Variants in RNF145 observed in about 807,000 individuals in gnomAD.
RNF145 encodes ring finger protein 145.
In RNF145, 12 loss-of-function variants were observed where a neutral mutation model predicts 57.3. The ratio of observed to expected loss-of-function variants is 0.21; its 90% CI spans 0.13 to 0.34. The LOEUF (loss-of-function observed/expected upper bound fraction) is 0.34, where lower values mean the gene tolerates loss of function less well. Among genes scored for constraint, RNF145 ranks in the 10% least tolerant of loss-of-function variants. The pLI, the probability that RNF145 is intolerant of heterozygous loss-of-function variation, is 1.00. For missense variants in RNF145, 429 were observed against 799.0 expected, an observed-to-expected ratio of 0.54 and a Z score of 5.58; for synonymous variants, 262 against 288.3, an observed-to-expected ratio of 0.91 and a Z score of 0.92.
At chr5:159,173,702 T>G (rs1293209683) in intron 6 of RNF145, among the ~76,000 whole-genome samples, 1 of 152,216 alleles carries the variant, frequency 6.6e-6, no homozygotes, top group Non-Finnish European at 1.5e-5. Flanking sequence ...CCCAATAATT[T>G]TAACTTGAAA....
intron 2 of RNF145, among the ~76,000 whole-genome samples, chr5:159,196,393 A>C (rs1785462424): frequency 6.6e-6 from 1 of 152,146 alleles, no homozygotes; most frequent in Non-Finnish European, 1.5e-5. Flanking sequence ...TAACACCATC[A>C]CTTTTACTTG....
chr5:159,180,148 C>T (rs1784842848), intron 4 of RNF145, among the ~76,000 whole-genome samples: 1 of 152,066 alleles, frequency 6.6e-6, no homozygotes, highest in African/African-American at 2.4e-5. Context: ...TAACTGGACT[C>T]TTACAATGAT....
At chr5:159,165,498 C>T (rs1274030728) in intron 8 of RNF145, among the ~76,000 whole-genome samples, 1 of 14,790 alleles carries the variant, frequency 6.8e-5, no homozygotes, top group African/African-American at 1.2e-3. Flanking sequence ...CCGGCTAAAA[C>T]GGTGAAACCC....
intron 3 of RNF145, among the ~76,000 whole-genome samples, chr5:159,187,534 G>A (rs187640871): frequency 3.8e-4 from 57 of 151,936 alleles, no homozygotes; most frequent in Non-Finnish European, 6.6e-4. Flanking sequence ...TCACTATGTT[G>A]GCCAGGCTGG....
chr5:159,191,563 T>G (rs1303604271), intron 3 of RNF145, among the ~76,000 whole-genome samples: 1 of 151,968 alleles, frequency 6.6e-6, no homozygotes, highest in Non-Finnish European at 1.5e-5. Flanking sequence ...GAGGCCAAGG[T>G]GGGAAGATCA....
intron 3 of RNF145, among the ~76,000 whole-genome samples, chr5:159,186,356 C>T (rs1785054753): frequency 6.6e-6 from 1 of 152,220 alleles, no homozygotes; most frequent in South Asian, 2.1e-4. Context: ...TAGCTTACCA[C>T]TTCAGCTAAT....
At chr5:159,181,283 C>A (rs1025016269) in intron 4 of RNF145, among the ~76,000 whole-genome samples, 1 of 152,164 alleles carries the variant, frequency 6.6e-6, no homozygotes, top group Admixed American at 6.5e-5. Flanking sequence ...CCCAGTGAAT[C>A]CTCTAGTGTA....
chr5:159,188,392 T>C (rs1584694507), intron 3 of RNF145, among the ~76,000 whole-genome samples: 1 of 143,504 alleles, frequency 7.0e-6, no homozygotes. Flanking sequence ...AGACTCTGTC[T>C]CAAAAAAAAA....
chr5:159,178,585 C>T (rs1453050344), intron 4 of RNF145, among the ~76,000 whole-genome samples: 1 of 151,960 alleles, frequency 6.6e-6, no homozygotes, highest in African/African-American at 2.4e-5. Context: ...AAATTTGGGA[C>T]TTGTTTGTAT....
chr5:159,167,190 G>A (rs554810054), intron 8 of RNF145, among the ~76,000 whole-genome samples: 26 of 152,246 alleles, frequency 1.7e-4, no homozygotes, highest in Non-Finnish European at 3.1e-4. Flanking sequence ...CTGATGGTTA[G>A]TCTCTTATTA....
At chr5:159,175,007 A>G (rs1245721799) in intron 5 of RNF145, among the ~76,000 whole-genome samples, 2 of 152,214 alleles carry the variant, frequency 1.3e-5, no homozygotes, top group Non-Finnish European at 2.9e-5. Context: ...TCTAGCAGTC[A>G]GCTGGTCTTG....
In RNF145 at chr5:159,167,893, T is replaced by C. The variant is rs181725798; in HGVS notation, c.1121+980A>G. Among the ~76,000 whole-genome samples the C allele has an allele frequency of 6.6e-5, 10 of 152,324 alleles. No individual in the cohort carries two copies. In the East Asian group the frequency reaches 1.7e-3, roughly 26 times the overall value. ...TGATGTACTATAATTAAAATGTTAA[T>C]TTGGAATGTTTTAGAAATCAGCTGA... On this transcript the variant is annotated intron_variant, in intron 8 of 10. Transcript: ENST00000424310.
Position 159,203,560 on chromosome 5 carries a change from T to C in RNF145, c.58A>G (p.Ile20Val). 1.2e-6 allele frequency: 2 copies of C among 1,613,880 alleles called. No homozygotes were observed. Among genetic ancestry groups the C allele is most frequent in the Non-Finnish European group, 1.7e-6 (2 of 1,179,898 alleles). The change falls in exon 2 of 11, where the codon ATC becomes GTC. Residue 20 changes from isoleucine (I) to valine (V), a missense_variant. Ile to Val is a conservative substitution (Grantham distance 29). Around this residue, in one of 4 missense-constraint regions of RNF145, gnomAD observed 109 missense variants for 207.2 expected, o/e 0.53. Coordinates refer to ENST00000424310, the MANE Select transcript of RNF145 (RefSeq NM_001199383.2). ...CTGTACAGGACATCCAACAGCATGA[T>C]GCTTGGCACCCTCAGGGCCACATTT... ...VLNVALRVPS[I>V]MLLDVLYRWD...
intron 3 of RNF145, among the ~76,000 whole-genome samples, chr5:159,190,917 T>C (rs995306270): frequency 3.3e-5 from 5 of 152,014 alleles, no homozygotes; most frequent in African/African-American, 1.2e-4. Context: ...ATATTAATAC[T>C]AAAATATGCC....
chr5:159,162,649 T>C (rs1784266468), intron 9 of RNF145, among the ~76,000 whole-genome samples: 1 of 151,630 alleles, frequency 6.6e-6, no homozygotes, highest in Non-Finnish European at 1.5e-5. Flanking sequence ...TTAGCCAGGA[T>C]GGTCTCGATC....
At chr5:159,198,367 G>C (rs1785534348) in intron 2 of RNF145, among the ~76,000 whole-genome samples, 1 of 152,152 alleles carries the variant, frequency 6.6e-6, no homozygotes, top group Admixed American at 6.5e-5. Flanking sequence ...CAACACTGAT[G>C]AATCTAATAA....
chr5:159,186,931 C>G (rs1344341827), intron 3 of RNF145, among the ~76,000 whole-genome samples: 1 of 151,738 alleles, frequency 6.6e-6, no homozygotes, highest in Non-Finnish European at 1.5e-5. Context: ...TGCAGTGAGC[C>G]AAGATTGCAC....
chr5:159,181,236 C>T (rs1207457832), intron 4 of RNF145, among the ~76,000 whole-genome samples: 1 of 151,994 alleles, frequency 6.6e-6, no homozygotes, highest in Non-Finnish European at 1.5e-5. Context: ...GCATTCCCCC[C>T]TTCACCACAC....
intron 1 of RNF145, among the ~76,000 whole-genome samples, chr5:159,205,036 A>G (rs1785825117): frequency 6.6e-6 from 1 of 152,196 alleles, no homozygotes; most frequent in Non-Finnish European, 1.5e-5. Context: ...AATATTTGTC[A>G]GTATTTCCAT....
Sources: allele counts gnomAD v4.1 joint callset (sites outside exome capture counted in the v4.1 genomes callset), GRCh38; gene constraint gnomAD v4.1.1; regional missense constraint gnomAD v4.1.1; transcripts MANE v1.5; gene names NCBI Gene and HGNC (gene_info 2026-07-23, HGNC 2026-07-21).